Variants in NELL2 observed in about 807,000 individuals in gnomAD.
The protein encoded by NELL2 is protein kinase C-binding protein NELL2.
Under a neutral mutation model 109.6 loss-of-function variants are expected in NELL2, and 41 were observed. The observed-to-expected ratio is 0.37, with a 90% CI of 0.29 to 0.49. The LOEUF (loss-of-function observed/expected upper bound fraction) is 0.49. Among genes scored for constraint, NELL2 ranks in the 20% least tolerant of loss-of-function variants. The pLI, the probability that NELL2 is intolerant of heterozygous loss-of-function variation, is 0.98. For missense variants in NELL2, 900 were observed against 1,008.3 expected (o/e 0.89, Z 1.45); for synonymous variants, 355 against 344.7 (o/e 1.03, Z -0.33).
At chr12:44,706,253 A>T (rs1937871465) in intron 11 of NELL2, among the ~76,000 whole-genome samples, 1 of 152,194 alleles carries the variant, frequency 6.6e-6, no homozygotes, top group Non-Finnish European at 1.5e-5. Context: ...AAACAATGTC[A>T]GCTATTTTGA....
intron 9 of NELL2, among the ~76,000 whole-genome samples, chr12:44,727,368 A>C (rs925757819): frequency 6.6e-6 from 1 of 152,092 alleles, no homozygotes; most frequent in African/African-American, 2.4e-5. Context: ...TATAAATCTC[A>C]ATCCTAGATA....
chr12:44,638,678 C>T (rs1375384864), intron 13 of NELL2, among the ~76,000 whole-genome samples: 1 of 152,168 alleles, frequency 6.6e-6, no homozygotes, highest in Non-Finnish European at 1.5e-5. Context: ...TGACCTCTAG[C>T]TTCACCCTAG....
In NELL2 at chr12:44,714,736, A is replaced by G; in HGVS notation, c.1000T>C (p.Cys334Arg). The G allele has an allele frequency of 6.3e-7, 1 of 1,593,732 alleles. No individual in the cohort carries two copies. The highest frequency in any genetic ancestry group is 8.5e-7 in the Non-Finnish European group (1 of 1,171,076). The change falls in exon 10 of 20, where the codon TGC (cysteine) becomes CGC (arginine). Residue 334 changes from cysteine to arginine, a missense_variant. Cys to Arg is a radical substitution (Grantham distance 180, BLOSUM62 -3). Around this residue, in one of 4 missense-constraint regions of NELL2, gnomAD observed 292 missense variants for 265.3 expected, o/e 1.10. Transcript: ENST00000429094. The stretch of plus-strand genomic sequence containing the variant: ...AAGTAGGTTCGTCCTTGAAATTGGC[A>G]TATCGCTTTGGAGTAAAAAATACAT... ...GKCCKECKSICQFQGRTYFEG... is the reference protein window; with the variant it reads ...GKCCKECKSIRQFQGRTYFEG...
Position 44,602,498 on chromosome 12 carries a change from G to A in NELL2, c.1663+4671C>T, listed in dbSNP as rs559524973. 6.6e-5 allele frequency among the ~76,000 whole-genome samples: 10 copies of A among 152,226 alleles called. No homozygotes were observed. The South Asian group carries it at 2.1e-3, about 32-fold the overall frequency. On this transcript the variant is annotated intron_variant, in intron 15 of 19. Transcript: ENST00000429094. ...AATTTGCATTTGTTCAGATAAAGCA[G>A]AATAAATTCAAAATAAAACTAAAAA...
intron 9 of NELL2, among the ~76,000 whole-genome samples, chr12:44,764,858 G>GA (rs145043815): frequency 1.1e-3 from 160 of 146,954 alleles, no homozygotes; most frequent in Middle Eastern, 7.1e-3. Flanking sequence ...GAGAGAGAGA[G>GA]AAAAAAAAAA....
intron 15 of NELL2, 122 bp from the exon 16 acceptor site, chr12:44,532,843 A>G: frequency 1.1e-6 from 1 of 880,074 alleles, no homozygotes. Flanking sequence ...GAAAATATAA[A>G]ATTAAGAAAG....
intron 12 of NELL2, among the ~76,000 whole-genome samples, chr12:44,694,286 G>T (rs535984086): frequency 6.6e-6 from 1 of 152,202 alleles, no homozygotes; most frequent in South Asian, 2.1e-4. Context: ...AATTTCATCT[G>T]CCTGAGTCCT....
At chr12:44,817,615 T>TG (rs1472427386) in intron 2 of NELL2, among the ~76,000 whole-genome samples, 1 of 152,024 alleles carries the variant, frequency 6.6e-6, no homozygotes, top group Non-Finnish European at 1.5e-5. Flanking sequence ...GAAAAGCTTG[T>TG]GAAAAAGCAG....
chr12:44,695,047 A>AAAGG (rs146303263), intron 12 of NELL2, among the ~76,000 whole-genome samples: 8,143 of 149,624 alleles, frequency 0.054, 784 homozygotes, highest in African/African-American at 0.19. Flanking sequence ...AGGAAGGAAG[A>AAAGG]AAGGAAGGAA....
chr12:44,823,409 G>T (rs760497843), intron 2 of NELL2, among the ~76,000 whole-genome samples: 65 of 151,928 alleles, frequency 4.3e-4, no homozygotes, highest in Non-Finnish European at 7.6e-4. Flanking sequence ...CCATCTCCTA[G>T]CCCTCAGCAA....
intron 9 of NELL2, among the ~76,000 whole-genome samples, chr12:44,764,290 T>C (rs1941242104): frequency 6.6e-6 from 1 of 152,214 alleles, no homozygotes; most frequent in Non-Finnish European, 1.5e-5. Flanking sequence ...CATTTGCTTT[T>C]GAAATTTCTC....
chr12:44,513,722 T>A (rs188434397), intron 19 of NELL2, among the ~76,000 whole-genome samples: 1 of 151,844 alleles, frequency 6.6e-6, no homozygotes, highest in East Asian at 1.9e-4. Flanking sequence ...AATTATCCAA[T>A]CCATAAAACA....
intron 9 of NELL2, among the ~76,000 whole-genome samples, chr12:44,772,435 T>G (rs1941587496): frequency 6.6e-6 from 1 of 152,250 alleles, no homozygotes; most frequent in African/African-American, 2.4e-5. Context: ...TCTACAAGAC[T>G]TTTCAGAAGC....
At chr12:44,890,922 G>T (rs921966313) in intron 1 of NELL2, among the ~76,000 whole-genome samples, 9 of 152,150 alleles carry the variant, frequency 5.9e-5, no homozygotes, top group East Asian at 3.9e-4. Flanking sequence ...TAGAGACAGG[G>T]TTTCATCATG....
At position 44,763,663 on chromosome 12, in the gene NELL2, T is replaced by C. The variant is rs540321735; in HGVS notation, c.994+11084A>G. 1.6e-4 allele frequency among the ~76,000 whole-genome samples: 24 copies of C among 152,266 alleles called. No homozygotes were observed. The South Asian group carries it at 3.7e-3, about 24-fold the overall frequency. On this transcript the variant is annotated intron_variant, in intron 9 of 19. Coordinates refer to ENST00000429094, the MANE Select transcript of NELL2 (RefSeq NM_001145108.2). Reference sequence around the variant, plus strand: ...CTTTTAGCATCATGAGATATATTTGTGCGGGCTCACTAACTCCTTGTAAAT... The same window carrying C: ...CTTTTAGCATCATGAGATATATTTGCGCGGGCTCACTAACTCCTTGTAAAT...
At position 44,835,522 on chromosome 12, in the gene NELL2, C is replaced by T. The variant is rs147343000; in HGVS notation, c.185-19386G>A. On this transcript the variant is annotated intron_variant, in intron 2 of 19. Coordinates refer to ENST00000429094, the MANE Select transcript of NELL2 (RefSeq NM_001145108.2). The stretch of plus-strand genomic sequence containing the variant: ...CCATCGTCCCAAAGCAGGCTGCAGC[C>T]GCTCAGGGCCAACACACGCATTCTT... Among the ~76,000 whole-genome samples the T allele has an allele frequency of 7.0e-3, 1,066 of 152,260 alleles. 12 individuals are homozygous for T. The highest frequency in any genetic ancestry group is 0.023 in the African/African-American group (953 of 41,534).
chr12:44,738,823 C>T (rs1939787424), intron 9 of NELL2, among the ~76,000 whole-genome samples: 2 of 152,092 alleles, frequency 1.3e-5, no homozygotes, highest in Non-Finnish European at 2.9e-5. Context: ...GTTTTCTGAT[C>T]ATAAAAAGGT....
Position 44,903,322 on chromosome 12 carries a change from A to G in NELL2, c.38+10477T>C, listed in dbSNP as rs150485167. ...ATCACTGGTCATTAGAGAAATGCAA[A>G]TCAAAATCACAATGAGATACCATCT... On this transcript the variant is annotated intron_variant, in intron 1 of 20. Coordinates refer to the NELL2 transcript ENST00000333837. 5.8e-3 allele frequency among the ~76,000 whole-genome samples: 885 copies of G among 152,332 alleles called. 6 individuals carry two copies. Among genetic ancestry groups the G allele is most frequent in the African/African-American group, 0.02 (842 of 41,570 alleles).
chr12:44,717,149 T>C (rs1320910349), intron 9 of NELL2, among the ~76,000 whole-genome samples: 1 of 152,132 alleles, frequency 6.6e-6, no homozygotes, highest in Admixed American at 6.6e-5. Context: ...AATGTTGACA[T>C]GGAATATTCA....
Sources: allele counts gnomAD v4.1 joint callset (sites outside exome capture counted in the v4.1 genomes callset), GRCh38; gene constraint gnomAD v4.1.1; regional missense constraint gnomAD v4.1.1; transcripts MANE v1.5; gene names NCBI Gene and HGNC (gene_info 2026-07-23, HGNC 2026-07-21).